GLS: variants seen among roughly 807,000 people sequenced by gnomAD.
GLS encodes the protein glutaminase.
GLS carries 36 observed loss-of-function variants against 86.7 expected under a neutral mutation model. The ratio of observed to expected loss-of-function variants is 0.42; its 90% confidence interval spans 0.32 to 0.55. The LOEUF is 0.55. Among genes scored for constraint, GLS ranks in the 20% least tolerant of loss-of-function variants. The probability of loss-of-function intolerance (pLI) is 0.17; values close to 1 mark genes in which losing one functional copy is unlikely to be tolerated. For missense variants in GLS, 528 were observed against 833.4 expected, an observed-to-expected ratio of 0.63 and a Z score of 4.51; for synonymous variants, 317 against 305.9, an observed-to-expected ratio of 1.04 and a Z score of -0.38.
chr2:190,929,117 C>G (rs1412597173), intron 12 of GLS, among the ~76,000 whole-genome samples: 4 of 151,226 alleles, frequency 2.6e-5, no homozygotes, highest in Non-Finnish European at 4.4e-5. Flanking sequence ...TACTGACTGA[C>G]TGAATGTTAG....
rs148386102 is a variant in GLS at position 190,909,891 on chromosome 2, A to G, written c.980-372A>G. 5.6e-3 allele frequency among the ~76,000 whole-genome samples: 856 copies of G among 152,198 alleles called. 11 individuals carry two copies. The highest frequency in any genetic ancestry group is 0.018 in the African/African-American group (754 of 41,532). Reference sequence around the variant, plus strand: ...ATCCTGTCTCTACAGAAAATAAAACATTAGCCAGGTGTGGTATGTGCCTGT... The same window carrying G: ...ATCCTGTCTCTACAGAAAATAAAACGTTAGCCAGGTGTGGTATGTGCCTGT... On this transcript the variant is annotated intron_variant, in intron 6 of 17. Transcript: ENST00000320717.
At chr2:190,925,227 T>A (rs904275055) in intron 11 of GLS, among the ~76,000 whole-genome samples, 9 of 152,218 alleles carry the variant, frequency 5.9e-5, no homozygotes, top group Non-Finnish European at 1.5e-5. Flanking sequence ...TTTATTTTTT[T>A]ATTTTTTAAA....
At chr2:190,881,816 A>G (rs946780452) in intron 1 of GLS, 1 of 214,314 alleles carries the variant, frequency 4.7e-6, no homozygotes, top group Non-Finnish European at 9.3e-6. Flanking sequence ...TTGCGGCTGC[A>G]GCGCCTGGCC....
In GLS at chr2:190,913,198, G is replaced by A. The variant is rs1478529576; in HGVS notation, c.1038+2877G>A. On this transcript the variant is annotated intron_variant, in intron 7 of 17. Transcript: ENST00000320717. This position sits in a 1 kb window ranked among gnomAD's most constrained non-coding sequence, Gnocchi z 6.1. ...TTGATATTTTTTCCTTGTAGGATTG[G>A]TGGTGATCCTCAGGAAATGGGGGAA... 3.1e-6 allele frequency: 4 copies of A among 1,296,452 alleles called. No homozygotes were observed. Among genetic ancestry groups the A allele is most frequent in the Middle Eastern group, 2.1e-4 (1 of 4,706 alleles). The allele number at this position is 1,296,452 out of a possible 1,614,324, so 80.3% of individuals were successfully genotyped here. A position where few individuals can be genotyped will look rare whatever the true frequency, so the allele number is the denominator to read the frequency against.
chr2:190,925,509 C>G (rs1429107502), intron 11 of GLS, among the ~76,000 whole-genome samples: 5 of 152,148 alleles, frequency 3.3e-5, no homozygotes, highest in Non-Finnish European at 7.4e-5. Context: ...ACATTTTCAG[C>G]TCAATTTATT....
Position 190,954,447 on chromosome 2 carries a change from G to A in GLS, c.1713-137G>A. On this transcript the variant is annotated intron_variant, in intron 15 of 17. Transcript: ENST00000320717. This position sits in a 1 kb window ranked among gnomAD's most constrained non-coding sequence, Gnocchi z 4.0. ...AAAACACCTGTGTACTGGTTAATAAGGTCGGTAGTTCCCATTAATGAGCTT... is the reference window on the plus strand; with the variant it reads ...AAAACACCTGTGTACTGGTTAATAAAGTCGGTAGTTCCCATTAATGAGCTT... 3 of 632,156 alleles carry A rather than the reference G, an allele frequency of 4.7e-6. No individual in the cohort carries two copies. The Admixed American group carries it at 8.8e-5, about 19-fold the overall frequency. 39.2% of individuals were successfully genotyped at this position (632,156 alleles called of 1,614,324 possible).
In GLS at chr2:190,913,654, T is replaced by G. The variant is rs1689429670; in HGVS notation, c.1038+3333T>G. On this transcript the variant is annotated intron_variant, in intron 7 of 17. Transcript: ENST00000320717. This position sits in a 1 kb window ranked among gnomAD's most constrained non-coding sequence, Gnocchi z 6.1. ...GGTAAAAATTTCACGTAGTTTTAGT[T>G]TAAAAGTTAAGATCTGGTGATAACT... 2 of 977,676 alleles carry G rather than the reference T, an allele frequency of 2.0e-6. No homozygotes were observed. The highest frequency in any genetic ancestry group is 1.1e-4 in the East Asian group (1 of 8,774). 60.6% of individuals were successfully genotyped at this position (977,676 alleles called of 1,614,324 possible).
intron 5 of GLS, among the ~76,000 whole-genome samples, chr2:190,903,427 T>A (rs1003053426): frequency 6.6e-6 from 1 of 152,166 alleles, no homozygotes. Flanking sequence ...GCAGTCACCA[T>A]GTGTTGAATT....
Position 190,930,603 on chromosome 2 carries a change from A to C in GLS, c.1557+35A>C. 1.9e-6 allele frequency: 3 copies of C among 1,578,278 alleles called. No individual in the cohort carries two copies. The South Asian group carries it at 3.5e-5, about 18-fold the overall frequency. ...TTTTCTTAATGTAAATAATGGTGTT[A>C]CAAGTTGAGCCATCCAATGATTCTT... On this transcript the variant is annotated intron_variant, in intron 13 of 17. Transcript: ENST00000320717. The surrounding 1 kb of genome is among the most constrained non-coding windows in gnomAD (Gnocchi z 5.0).
rs1688682640 is a variant in GLS, at chr2:190,895,041, A to G, written c.387-111A>G. On this transcript the variant is annotated intron_variant, in intron 1 of 17. Coordinates refer to ENST00000320717, the MANE Select transcript of GLS (RefSeq NM_014905.5). The surrounding 1 kb of genome is among the most constrained non-coding windows in gnomAD (Gnocchi z 4.2). ...ATTTATTATGACTGTAGTCTTGAGT[A>G]TATGAGCTCAGCTGTAGTCTAGTTT... is the stretch of plus-strand genomic sequence containing the variant. 2.1e-5 allele frequency: 12 copies of G among 563,158 alleles called. No homozygotes were observed. The highest frequency in any genetic ancestry group is 1.9e-4 in the Admixed American group (7 of 37,440). The allele number at this position is 563,158 out of a possible 1,614,324, so 34.9% of individuals were successfully genotyped here. A position where few individuals can be genotyped will look rare whatever the true frequency, so the allele number is the denominator to read the frequency against.
intron 1 of GLS, among the ~76,000 whole-genome samples, chr2:190,893,804 C>T (rs555591338): frequency 1.3e-5 from 2 of 152,218 alleles, no homozygotes; most frequent in East Asian, 1.9e-4. Context: ...AGGCTGATCT[C>T]GAACTCCTGA....
At chr2:190,906,003 G>A (rs895838256) in intron 6 of GLS, among the ~76,000 whole-genome samples, 1 of 151,902 alleles carries the variant, frequency 6.6e-6, no homozygotes, top group African/African-American at 2.4e-5. Context: ...TTATTAGTTT[G>A]TAAGATGAAG....
chr2:190,919,290 A>G (rs1390173787), intron 7 of GLS, among the ~76,000 whole-genome samples: 1 of 152,174 alleles, frequency 6.6e-6, no homozygotes, highest in Non-Finnish European at 1.5e-5. Context: ...TTTCTTAAAA[A>G]CAACGTTAAG....
chr2:190,884,401 A>T (rs1055195139), intron 1 of GLS, among the ~76,000 whole-genome samples: 1 of 152,236 alleles, frequency 6.6e-6, no homozygotes, highest in East Asian at 1.9e-4. Flanking sequence ...GCGTACTGTT[A>T]TGAGAGTAAT....
Position 190,949,247 on chromosome 2 carries a change from C to T in GLS, c.1651-4318C>T, listed in dbSNP as rs990203402. ...GAATGATTTTGGGTTTCTTGATACT[C>T]CGCTGCTTAGAAACCTGTAGTGATT... On this transcript the variant is annotated intron_variant, in intron 14 of 17. Transcript: ENST00000320717. This position sits in a 1 kb window ranked among gnomAD's most constrained non-coding sequence, Gnocchi z 4.0. 1.3e-5 allele frequency among the ~76,000 whole-genome samples: 2 copies of T among 152,136 alleles called. No homozygotes were observed. The highest frequency in any genetic ancestry group is 4.8e-5 in the African/African-American group (2 of 41,412).
intron 3 of GLS, among the ~76,000 whole-genome samples, chr2:190,898,387 G>A (rs1352984382): frequency 2.6e-5 from 4 of 152,154 alleles, no homozygotes; most frequent in Non-Finnish European, 5.9e-5. Flanking sequence ...CCTCCTCAGA[G>A]TTCATTTTAT....
chr2:190,934,260 T>G lies in GLS; in HGVS notation c.1650+2623T>G, dbSNP rs1031158755. On this transcript the variant is annotated intron_variant, in intron 14 of 17. Transcript: ENST00000320717. ...GCAAAAAAGATTTCACTGAGTATTT[T>G]AGATACTAGTGCAAATAAAGATAGA... 4.2e-6 allele frequency: 4 copies of G among 953,306 alleles called. No individual in the cohort carries two copies. In the African/African-American group the frequency reaches 7.1e-5, roughly 17 times the overall value. The allele number at this position is 953,306 out of a possible 1,614,324, so 59.1% of individuals were successfully genotyped here. A position where few individuals can be genotyped will look rare whatever the true frequency, so the allele number is the denominator to read the frequency against.
rs1377949878 is a variant in GLS, at chr2:190,962,989, GTCTCAAA to G, written c.*6_*12del. On this transcript the variant is annotated 3_prime_UTR_variant, in exon 18 of 18. Coordinates refer to ENST00000320717, the MANE Select transcript of GLS (RefSeq NM_014905.5). The surrounding 1 kb of genome is among the most constrained non-coding windows in gnomAD (Gnocchi z 4.2). ...AGAATCTTGATGGATTGTTGTAATGGTCTCAAATCCCAAGATTTAAATCACTTACCTA... is the reference window on the plus strand; with the variant it reads ...AGAATCTTGATGGATTGTTGTAATGGTCCCAAGATTTAAATCACTTACCTA... The G allele has an allele frequency of 6.3e-7, 1 of 1,578,852 alleles. No individual in the cohort carries two copies. The highest frequency in any genetic ancestry group is 2.3e-5 in the East Asian group (1 of 44,444).
At chr2:190,890,033 G>C (rs983065016) in intron 1 of GLS, among the ~76,000 whole-genome samples, 2 of 152,078 alleles carry the variant, frequency 1.3e-5, no homozygotes, top group African/African-American at 4.8e-5. Context: ...TGAGGTGGCA[G>C]AGCAGGAAGA....
Sources: gnomAD v4.1 joint callset for allele counts (sites outside exome capture counted in the v4.1 genomes callset) on GRCh38, gnomAD v4.1.1 for gene constraint, Gnocchi (gnomAD v3.1) non-coding constraint, MANE v1.5 for transcripts, NCBI Gene and HGNC (gene_info 2026-07-23, HGNC 2026-07-21) for gene names.